Variants in PLCB4 observed in about 807,000 individuals in gnomAD.
The protein encoded by PLCB4 is phospholipase C beta 4.
PLCB4 carries 77 observed loss-of-function variants against 178.8 expected under a neutral mutation model. The ratio of observed to expected loss-of-function variants is 0.43; its 90% CI spans 0.36 to 0.52. PLCB4 has a LOEUF of 0.52. PLCB4 is among the 20% of genes least tolerant of loss of function. The probability of loss-of-function intolerance (pLI) is 0.00; values close to 1 mark genes in which losing one functional copy is unlikely to be tolerated. For synonymous variants in PLCB4, 496 were observed against 490.8 expected (o/e 1.01, Z -0.14); for missense variants, 1,024 against 1,453.4 (o/e 0.70, Z 4.80).
chr20:9,474,171 C>T (rs2044382416), intron 38 of PLCB4, among the ~76,000 whole-genome samples: 1 of 151,176 alleles, frequency 6.6e-6, no homozygotes, highest in Non-Finnish European at 1.5e-5. Flanking sequence ...GAGCCGAGAT[C>T]GCACCACTGC....
intron 3 of PLCB4, among the ~76,000 whole-genome samples, chr20:9,268,815 A>G (rs1273420657): frequency 6.6e-6 from 1 of 152,188 alleles, no homozygotes; most frequent in African/African-American, 2.4e-5. Context: ...TATAATGCCC[A>G]GACTACATGC....
intron 3 of PLCB4, among the ~76,000 whole-genome samples, chr20:9,252,619 A>G (rs762340257): frequency 9.2e-5 from 14 of 152,160 alleles, no homozygotes; most frequent in Non-Finnish European, 1.9e-4. Context: ...TGACTGGGCT[A>G]AGGGATATCA....
intron 25 of PLCB4, among the ~76,000 whole-genome samples, chr20:9,413,817 GTGGTGC>G (rs1602501676): frequency 6.6e-6 from 1 of 152,288 alleles, no homozygotes; most frequent in East Asian, 1.9e-4. Context: ...CTCAAGTGCA[GTGGTGC>G]AAACGTGGCT....
chr20:9,343,265 C>G (rs2033436672), intron 7 of PLCB4, among the ~76,000 whole-genome samples: 1 of 151,956 alleles, frequency 6.6e-6, no homozygotes, highest in Admixed American at 6.6e-5. Flanking sequence ...TTCACTTAAC[C>G]CAACATTTAA....
Position 9,384,385 on chromosome 20 carries a change from C to T in PLCB4, c.1038C>T (p.Tyr346=). ...GCGGGAAGTCTTCGGTAGAAATGTACAGACAGGTTCTCCTGGCTGGTTGCA... is the reference window on the plus strand; with the variant it reads ...GCGGGAAGTCTTCGGTAGAAATGTATAGACAGGTTCTCCTGGCTGGTTGCA... ...QFGGKSSVEM[Y]RQVLLAGCRC... The change falls in exon 14 of 40, where the codon TAC becomes TAT. Residue 346 remains tyrosine, a synonymous_variant. Coordinates refer to ENST00000378473, the MANE Select transcript of PLCB4 (RefSeq NM_001377142.1). The T allele has an allele frequency of 6.2e-7, 1 of 1,614,126 alleles. No individual in the cohort carries two copies. Among genetic ancestry groups the T allele is most frequent in the Non-Finnish European group, 8.5e-7 (1 of 1,179,948 alleles).
At chr20:9,130,884 G>A (rs2092255352) in intron 2 of PLCB4, among the ~76,000 whole-genome samples, 1 of 152,144 alleles carries the variant, frequency 6.6e-6, no homozygotes, top group Non-Finnish European at 1.5e-5. Context: ...AATAGGGGAG[G>A]TCTAATTTAG....
intron 35 of PLCB4, among the ~76,000 whole-genome samples, chr20:9,460,700 A>G (rs1282080639): frequency 1.3e-5 from 2 of 152,222 alleles, no homozygotes; most frequent in African/African-American, 4.8e-5. Context: ...AGACACAACA[A>G]GAGTAGAAAA....
chr20:9,197,673 A>G (rs2093489273), intron 2 of PLCB4, among the ~76,000 whole-genome samples: 1 of 152,230 alleles, frequency 6.6e-6, no homozygotes, highest in Admixed American at 6.5e-5. Flanking sequence ...CTTGTTGCCA[A>G]ACAGAAATAA....
chr20:9,432,498 CAT>C (rs1315653921), intron 28 of PLCB4, among the ~76,000 whole-genome samples: 1 of 152,152 alleles, frequency 6.6e-6, no homozygotes, highest in Non-Finnish European at 1.5e-5. Context: ...CTTGGCAAAA[CAT>C]ATCTGAAGTG....
At position 9,457,488 on chromosome 20, in the gene PLCB4, A is replaced by C; in HGVS notation, c.3071A>C (p.Lys1024Thr). The C allele has an allele frequency of 6.8e-7, 1 of 1,462,052 alleles. No homozygotes were observed. Among genetic ancestry groups the C allele is most frequent in the Non-Finnish European group, 9.6e-7 (1 of 1,041,584 alleles). The allele number at this position is 1,462,052 out of a possible 1,614,324, so 90.6% of individuals were successfully genotyped here. ...ACGCTGACATCAGATCACAAATCTA[A>C]GGTAAGAAAATGCCCATTTTTACAG... ...IQTLTSDHKSKVKEIVAQHTK... is the reference protein window; with the variant it reads ...IQTLTSDHKSTVKEIVAQHTK... Residue 1024 changes from lysine to threonine, a missense_variant and splice_region_variant, in exon 34 of 40, where the codon AAG becomes ACG. By Grantham distance (78) the Lys-to-Thr change is moderately conservative (BLOSUM62 -1). Around this residue, in one of 7 missense-constraint regions of PLCB4, gnomAD observed 264 missense variants for 283.2 expected, o/e 0.93. Coordinates refer to ENST00000378473, the MANE Select transcript of PLCB4 (RefSeq NM_001377142.1).
intron 4 of PLCB4, among the ~76,000 whole-genome samples, chr20:9,320,443 G>A (rs965135743): frequency 5.9e-5 from 9 of 152,132 alleles, no homozygotes; most frequent in Middle Eastern, 3.2e-3. Flanking sequence ...AGTGCATCCT[G>A]TTTTATCAGT....
rs562433175 is a variant in PLCB4 at position 9,168,998 on chromosome 20, A to G, written c.-78-48392A>G. Among the ~76,000 whole-genome samples, 51 of 136,482 alleles carry G rather than the reference A, an allele frequency of 3.7e-4. 1 individual carries two copies. The highest frequency in any genetic ancestry group is 1.2e-3 in the African/African-American group (44 of 35,718). The allele number at this position is 136,482 out of a possible 152,430, so 89.5% of individuals were successfully genotyped here. The stretch of plus-strand genomic sequence containing the variant: ...GCTCAAGTCTCCCTTTGCGGTTGCT[A>G]CAACCACCAAGGGCTCATCCTCTTC... On this transcript the variant is annotated intron_variant, in intron 2 of 39. Transcript: ENST00000378473.
At chr20:9,282,168 ATGAT>A (rs1568518588) in intron 3 of PLCB4, among the ~76,000 whole-genome samples, 1 of 152,026 alleles carries the variant, frequency 6.6e-6, no homozygotes, top group Non-Finnish European at 1.5e-5. Flanking sequence ...ATCACAGGGC[ATGAT>A]GACCAAGGCA....
At position 9,199,825 on chromosome 20, in the gene PLCB4, G is replaced by T. The variant is rs2093519959; in HGVS notation, c.-78-17565G>T. ...TTTAAAATTACAATTTACTTATTTT[G>T]AGTCTTATCTCTTCCTGCATGTTGT... On this transcript the variant is annotated intron_variant, in intron 2 of 39. Coordinates refer to ENST00000378473, the MANE Select transcript of PLCB4 (RefSeq NM_001377142.1). Among the ~76,000 whole-genome samples the T allele has an allele frequency of 2.0e-5, 3 of 150,024 alleles. No individual in the cohort carries two copies. In the Admixed American group the frequency reaches 2.0e-4, roughly 10 times the overall value.
At chr20:9,459,920 A>C (rs957927980) in intron 35 of PLCB4, 110 bp downstream of exon 35, 1 of 680,666 alleles carries the variant, frequency 1.5e-6, no homozygotes, top group South Asian at 1.9e-5. Flanking sequence ...GACGTACAAC[A>C]TGTAGCTCTT....
At chr20:9,389,200 T>G (rs2037929159) in intron 15 of PLCB4, among the ~76,000 whole-genome samples, 1 of 152,200 alleles carries the variant, frequency 6.6e-6, no homozygotes, top group African/African-American at 2.4e-5. Context: ...AGATTATGTT[T>G]AGCTCCTTCA....
chr20:9,408,982 G>T, intron 23 of PLCB4, 75 bp from the exon 24 acceptor site: 1 of 1,378,946 alleles, frequency 7.3e-7, no homozygotes, highest in Non-Finnish European at 1.0e-6. Context: ...CTAGACCTTT[G>T]TTGTTTTAGC....
At chr20:9,460,291 G>A (rs1481971191) in intron 35 of PLCB4, among the ~76,000 whole-genome samples, 1 of 152,194 alleles carries the variant, frequency 6.6e-6, no homozygotes, top group African/African-American at 2.4e-5. Flanking sequence ...CAAAATGGTA[G>A]GGCTGGAACT....
intron 1 of PLCB4, among the ~76,000 whole-genome samples, chr20:9,073,660 G>T (rs2089681671): frequency 6.6e-6 from 1 of 152,132 alleles, no homozygotes; most frequent in Admixed American, 6.5e-5. Flanking sequence ...GAGGTAGGAG[G>T]ATTACTTGAG....
Sources: gnomAD v4.1 joint callset for allele counts (sites outside exome capture counted in the v4.1 genomes callset) on GRCh38, gnomAD v4.1.1 for gene constraint, gnomAD v4.1.1 regional missense constraint, MANE v1.5 for transcripts, NCBI Gene and HGNC (gene_info 2026-07-23, HGNC 2026-07-21) for gene names.